FLII: variants seen among roughly 807,000 people sequenced by gnomAD.
FLII encodes FLII actin remodeling protein.
In FLII, 101 loss-of-function variants were observed where a neutral mutation model predicts 156.2. That is an observed-to-expected ratio of 0.65 (90% CI 0.55 to 0.76). The LOEUF (loss-of-function observed/expected upper bound fraction) is 0.76. Among genes scored for constraint, FLII ranks in the 30% least tolerant of loss-of-function variants. The pLI is 0.00. For missense variants in FLII, 1,675 were observed against 1,682.8 expected, an observed-to-expected ratio of 1.00 and a Z score of 0.08; for synonymous variants, 767 against 685.8, an observed-to-expected ratio of 1.12 and a Z score of -1.85.
At chr17:18,250,445 C>A (rs961251535) in intron 14 of FLII, among the ~76,000 whole-genome samples, 1 of 152,180 alleles carries the variant, frequency 6.6e-6, no homozygotes, top group Non-Finnish European at 1.5e-5. Context: ...CTTGGCCCCA[C>A]CTCCTTGGCA....
Position 18,258,725 on chromosome 17 carries a change from G to C in FLII, c.-35C>G. On this transcript the variant is annotated 5_prime_UTR_variant, in exon 1 of 30. Transcript: ENST00000327031. This position sits in a 1 kb window ranked among gnomAD's most constrained non-coding sequence, Gnocchi z 4.2. ...CTCGCTGCCGGGCCGCGCCGGGCTA[G>C]GGAGCGCCGGGGCGAGGGCGCTGGG... 3.6e-6 allele frequency: 5 copies of C among 1,378,684 alleles called. No individual in the cohort carries two copies. The highest frequency in any genetic ancestry group is 4.7e-6 in the Non-Finnish European group (5 of 1,071,108). 85.4% of individuals were successfully genotyped at this position (1,378,684 alleles called of 1,614,324 possible).
chr17:18,245,393 A>G lies in FLII; in HGVS notation c.3636T>C (p.Thr1212=), dbSNP rs973969069. 16 of 1,614,032 alleles carry G rather than the reference A, an allele frequency of 9.9e-6. No individual in the cohort carries two copies. The highest frequency in any genetic ancestry group is 1.4e-5 in the Non-Finnish European group (16 of 1,180,012). ...GGCTCAGCTTGATCTCCACCTGGCT[A>G]GTCTGGGTCCCCACCCACATGTAGA... ...QEVYMWVGTQ[T]SQVEIKLSLK... Residue 1212 remains threonine, a synonymous_variant, in exon 29 of 30, where the codon ACT becomes ACC. Transcript: ENST00000327031.
At position 18,251,108 on chromosome 17, in the gene FLII, C is replaced by G. The variant is rs1027986975; in HGVS notation, c.1597-91G>C. The G allele has an allele frequency of 2.0e-6, 3 of 1,467,908 alleles. No individual in the cohort carries two copies. The African/African-American group carries it at 4.2e-5, about 21-fold the overall frequency. The allele number at this position is 1,467,908 out of a possible 1,614,324, so 90.9% of individuals were successfully genotyped here. A position where few individuals can be genotyped will look rare whatever the true frequency, so the allele number is the denominator to read the frequency against. ...CTCTGAACAGCACAGGCTTCCCAGC[C>G]CCAGGGGCTTTGTACTGCCCCTGTG... On this transcript the variant is annotated intron_variant, in intron 13 of 29. Transcript: ENST00000327031.
At position 18,254,645 on chromosome 17, in the gene FLII, T is replaced by C. The variant is rs146773001; in HGVS notation, c.451A>G (p.Thr151Ala). The change falls in exon 6 of 30, where the codon ACT becomes GCT. Residue 151 changes from threonine (T) to alanine (A), a missense_variant. Around this residue, in one of 2 missense-constraint regions of FLII, gnomAD observed 343 missense variants for 413.5 expected, o/e 0.83. Transcript: ENST00000327031. ...CTGAGGTCCAGGTATAGTAGGTCAG[T>C]GAGGTTGATGAAGAGCTGGTTGGGG... ...TIPNQLFINL[T>A]DLLYLDLSEN... 553 of 1,613,678 alleles carry C rather than the reference T, an allele frequency of 3.4e-4. 5 individuals carry two copies. The African/African-American group carries it at 6.4e-3, about 19-fold the overall frequency.
chr17:18,256,753 C>A (rs545600995), intron 2 of FLII, 156 bp from the exon 3 acceptor site: 2 of 796,504 alleles, frequency 2.5e-6, no homozygotes, highest in South Asian at 1.6e-5. Context: ...CCTCTTCTTG[C>A]ACACCTCCCT....
At chr17:18,254,746 C>A (rs765011850) in intron 5 of FLII, 23 bp downstream of exon 5, 2 of 1,613,940 alleles carry the variant, frequency 1.2e-6, no homozygotes, top group Non-Finnish European at 1.7e-6. Context: ...CCACCTGCCC[C>A]CTGCCCCCCA....
intron 4 of FLII, 51 bp downstream of exon 4, chr17:18,255,132 G>A (rs1181124162): frequency 1.4e-6 from 2 of 1,385,682 alleles, no homozygotes; most frequent in Non-Finnish European, 2.1e-6. Context: ...AGTGAGTGGG[G>A]ATTGAATGGT....
At position 18,247,647 on chromosome 17, in the gene FLII, G is replaced by A. The variant is rs1375584735; in HGVS notation, c.2487+10C>T. ...ATCCTGGGGAGGGGCCTCCGAAGCTGCAAGCGCACCTGCGCCTCGGTGCCC... is the reference window on the plus strand; with the variant it reads ...ATCCTGGGGAGGGGCCTCCGAAGCTACAAGCGCACCTGCGCCTCGGTGCCC... On this transcript the variant is annotated intron_variant, in intron 20 of 29. Coordinates refer to ENST00000327031, the MANE Select transcript of FLII (RefSeq NM_002018.4). 3 of 1,572,126 alleles carry A rather than the reference G, an allele frequency of 1.9e-6. No individual in the cohort carries two copies. The highest frequency in any genetic ancestry group is 1.8e-5 in the Admixed American group (1 of 56,096).
Position 18,246,832 on chromosome 17 carries a change from C to T in FLII, c.2817-4G>A. Reference sequence around the variant, plus strand: ...GTACTCCACAGGCACCCAGTACCTGCCGGGTTGGAAGGTTGTGAGCAGGGG... The same window carrying T: ...GTACTCCACAGGCACCCAGTACCTGTCGGGTTGGAAGGTTGTGAGCAGGGG... On this transcript the variant is annotated splice_polypyrimidine_tract_variant and splice_region_variant and intron_variant, in intron 22 of 29. Coordinates refer to ENST00000327031, the MANE Select transcript of FLII (RefSeq NM_002018.4). 6.2e-7 allele frequency: 1 copy of T among 1,614,040 alleles called. No homozygotes were observed. Among genetic ancestry groups the T allele is most frequent in the East Asian group, 2.2e-5 (1 of 44,862 alleles).
chr17:18,250,998 C>T lies in FLII; in HGVS notation c.1616G>A (p.Gly539Asp), dbSNP rs2048248767. 6.2e-7 allele frequency: 1 copy of T among 1,613,194 alleles called. No individual in the cohort carries two copies. The change falls in exon 14 of 30, where the codon GGC becomes GAC. Residue 539 changes from glycine to aspartate, a missense_variant. Gly to Asp is a moderately conservative substitution (Grantham distance 94). Transcript: ENST00000327031. ...GTAGTAGATCTCCCAGTTGAGGGAG[C>T]CGCTGTCATCCAGAAAGGTCTGGAA... ...IVLKTFLDDS[G>D]SLNWEIYYWI... is the part of the protein sequence containing the mutation.
rs746168467 is a variant in FLII, at chr17:18,246,047, C to T, written c.3283G>A (p.Glu1095Lys). The T allele has an allele frequency of 1.2e-6, 2 of 1,614,166 alleles. No individual in the cohort carries two copies. Among genetic ancestry groups the T allele is most frequent in the South Asian group, 1.1e-5 (1 of 91,088 alleles). ...CFILKVPFES[E>K]DNQGIVYAWV... ...GCATACACGATGCCCTGGTTGTCCTCACTCTCAAAGGGAACCTGGGGAGTG... is the reference window on the plus strand; with the variant it reads ...GCATACACGATGCCCTGGTTGTCCTTACTCTCAAAGGGAACCTGGGGAGTG... Residue 1095 changes from glutamate to lysine, a missense_variant, in exon 26 of 30, where the codon GAG (glutamate) becomes AAG (lysine). Physicochemically the swap from Glu to Lys is moderately conservative, Grantham distance 56. This residue lies in a region of FLII where 1,332 missense variants were observed against 1,269.3 expected (regional missense o/e 1.05). Transcript: ENST00000327031.
intron 14 of FLII, among the ~76,000 whole-genome samples, chr17:18,250,036 G>A (rs550257362): frequency 1.4e-4 from 21 of 152,132 alleles, no homozygotes; most frequent in Admixed American, 2.0e-4. Context: ...CAGGAGAATC[G>A]CTTGAACCCT....
rs201546229 is a variant in FLII at position 18,245,597 on chromosome 17, G to C, written c.3567C>G (p.Asp1189Glu). Residue 1189 changes from aspartate (D) to glutamate (E), a missense_variant, in exon 28 of 30, where the codon GAC becomes GAG. Physicochemically the swap from Asp to Glu is conservative, Grantham distance 45 (BLOSUM62 2). Transcript: ENST00000327031. ...GCAACATGATGTCATCATCTGCCAG[G>C]TCATCTTGGCAAAAGTCGGAGCATT... The part of the protein sequence containing the change: ...TEKCSDFCQD[D>E]LADDDIMLLD... The C allele has an allele frequency of 7.3e-5, 118 of 1,613,856 alleles. No homozygotes were observed. Among genetic ancestry groups the C allele is most frequent in the Non-Finnish European group, 1.7e-6 (2 of 1,180,028 alleles).
At chr17:18,253,140 ACT>A (rs563912574) in intron 9 of FLII, among the ~76,000 whole-genome samples, 159 bp downstream of exon 9, 2 of 152,242 alleles carry the variant, frequency 1.3e-5, no homozygotes, top group South Asian at 4.1e-4. Context: ...ACAGAGCGAG[ACT>A]CTGTCTCAAA....
In FLII at chr17:18,245,192, G is replaced by GT; in HGVS notation, c.3755dup (p.His1252GlnfsTer70). On this transcript the variant is annotated frameshift_variant, in exon 30 of 30. Coordinates refer to ENST00000327031, the MANE Select transcript of FLII (RefSeq NM_002018.4). LOFTEE classifies it high-confidence loss of function. ...AGGCGTGGAAGCAGCGGGTAAAGGC[G>GT]TGCTGCTCATTGCCCTTGCGGACCA... is the stretch of plus-strand genomic sequence containing the variant. 1 of 1,613,922 alleles carries GT rather than the reference G, an allele frequency of 6.2e-7. No homozygotes were observed. Among genetic ancestry groups the GT allele is most frequent in the Non-Finnish European group, 8.5e-7 (1 of 1,179,970 alleles).
intron 2 of FLII, 40 bp from the exon 3 acceptor site, chr17:18,256,637 G>A (rs934631301): frequency 6.6e-7 from 1 of 1,524,964 alleles, no homozygotes; most frequent in Non-Finnish European, 8.9e-7. Context: ...CAGGGTGGGT[G>A]GGGTGTCCAG....
At chr17:18,252,715 T>A (rs551302567) in intron 9 of FLII, among the ~76,000 whole-genome samples, 159 bp from the exon 10 acceptor site, 1 of 152,178 alleles carries the variant, frequency 6.6e-6, no homozygotes, top group East Asian at 1.9e-4. Flanking sequence ...CAAGAGACCA[T>A]GTTACGGGCA....
intron 4 of FLII, 114 bp downstream of exon 4, chr17:18,255,069 A>T (rs987888357): frequency 8.2e-6 from 8 of 976,298 alleles, no homozygotes; most frequent in Non-Finnish European, 1.3e-5. Flanking sequence ...CCACTCCAAG[A>T]CTCAGTTTTC....
rs150722958 is a variant in FLII at position 18,257,205 on chromosome 17, G to C, written c.64-186C>G. On this transcript the variant is annotated intron_variant, in intron 1 of 29. Transcript: ENST00000327031. ...TAGAATGGGAATTTTAAGCCCCCCCGTGACAAAAGTGTTGGCCTAAGATTT... is the reference window on the plus strand; with the variant it reads ...TAGAATGGGAATTTTAAGCCCCCCCCTGACAAAAGTGTTGGCCTAAGATTT... 7 of 552,268 alleles carry C rather than the reference G, an allele frequency of 1.3e-5. No individual in the cohort carries two copies. In the African/African-American group the frequency reaches 1.4e-4, roughly 11 times the overall value. The allele number at this position is 552,268 out of a possible 1,614,324, so 34.2% of individuals were successfully genotyped here. A position where few individuals can be genotyped will look rare whatever the true frequency, so the allele number is the denominator to read the frequency against.
Sources: gnomAD v4.1 joint callset for allele counts (sites outside exome capture counted in the v4.1 genomes callset) on GRCh38, gnomAD v4.1.1 for gene constraint, gnomAD v4.1.1 regional missense constraint, Gnocchi (gnomAD v3.1) non-coding constraint, MANE v1.5 for transcripts, NCBI Gene and HGNC (gene_info 2026-07-23, HGNC 2026-07-21) for gene names.